Variants in JAKMIP2 observed in about 807,000 individuals in gnomAD.
JAKMIP2 encodes janus kinase and microtubule-interacting protein 2.
A neutral mutation model predicts 115.0 loss-of-function variants in JAKMIP2; 25 were observed. The observed-to-expected ratio is 0.22, with a 90% CI of 0.16 to 0.30. The LOEUF (loss-of-function observed/expected upper bound fraction) is 0.30, where lower values mean the gene tolerates loss of function less well. Among genes scored for constraint, JAKMIP2 ranks in the 10% least tolerant of loss-of-function variants. The pLI is 1.00. For missense variants in JAKMIP2, 642 were observed against 957.6 expected, an observed-to-expected ratio of 0.67 and a Z score of 4.35; for synonymous variants, 334 against 343.6, an observed-to-expected ratio of 0.97 and a Z score of 0.31.
At chr5:147,619,040 A>G (rs916331492) in intron 18 of JAKMIP2, among the ~76,000 whole-genome samples, 8 of 151,952 alleles carry the variant, frequency 5.3e-5, no homozygotes, top group African/African-American at 1.9e-4. Context: ...TATTTCTCTG[A>G]GTCTTTCTTT....
chr5:147,620,139 G>A (rs1237345770), intron 18 of JAKMIP2, among the ~76,000 whole-genome samples: 3 of 152,088 alleles, frequency 2.0e-5, no homozygotes, highest in African/African-American at 7.2e-5. Flanking sequence ...CTGCTGCCCA[G>A]GCTGGAGTAC....
chr5:147,760,565 T>C (rs1450971504), intron 1 of JAKMIP2, among the ~76,000 whole-genome samples: 4 of 152,042 alleles, frequency 2.6e-5, no homozygotes, highest in Admixed American at 2.6e-4. Flanking sequence ...ACATAGTTTG[T>C]TAAGGATTTG....
At chr5:147,646,581 A>G (rs955314857) in intron 5 of JAKMIP2, among the ~76,000 whole-genome samples, 1 of 152,038 alleles carries the variant, frequency 6.6e-6, no homozygotes, top group Non-Finnish European at 1.5e-5. Flanking sequence ...CCTTAAATAA[A>G]ACACAGAAAG....
At chr5:147,659,915 A>G (rs1758873466) in intron 3 of JAKMIP2, among the ~76,000 whole-genome samples, 1 of 152,244 alleles carries the variant, frequency 6.6e-6, no homozygotes, top group South Asian at 2.1e-4. Flanking sequence ...AACCACCTTG[A>G]ACTTAAAATT....
chr5:147,663,667 G>A (rs554689222), intron 2 of JAKMIP2, among the ~76,000 whole-genome samples: 1 of 152,144 alleles, frequency 6.6e-6, no homozygotes, highest in Non-Finnish European at 1.5e-5. Context: ...CCTACCTTTA[G>A]CTAGAACAGT....
chr5:147,772,798 G>A (rs1401995366), intron 1 of JAKMIP2, among the ~76,000 whole-genome samples: 1 of 151,892 alleles, frequency 6.6e-6, no homozygotes, highest in Non-Finnish European at 1.5e-5. Flanking sequence ...TAATTGAATG[G>A]CTTTGGGTAT....
chr5:147,719,671 C>A (rs1278772882), intron 1 of JAKMIP2, among the ~76,000 whole-genome samples: 1 of 150,798 alleles, frequency 6.6e-6, no homozygotes, highest in East Asian at 2.0e-4. Context: ...GGATTGCAAC[C>A]CCTGCCTTTT....
rs1169149017 is a variant in JAKMIP2 at position 147,591,626 on chromosome 5, C to T, written c.*81G>A. 1.3e-6 allele frequency: 2 copies of T among 1,561,718 alleles called. No homozygotes were observed. The highest frequency in any genetic ancestry group is 1.8e-6 in the Non-Finnish European group (2 of 1,136,984). On this transcript the variant is annotated 3_prime_UTR_variant, in exon 22 of 22. Transcript: ENST00000616793. ...CCTCTCACTGGTGTAAACAATTTTG[C>T]CATCTTTGAAGGTTTAGAAGCACTT...
At chr5:147,621,625 C>T (rs931812484) in intron 17 of JAKMIP2, among the ~76,000 whole-genome samples, 1 of 152,014 alleles carries the variant, frequency 6.6e-6, no homozygotes, top group Non-Finnish European at 1.5e-5. Context: ...AGAAATTGTT[C>T]ATTTGGAAAG....
intron 1 of JAKMIP2, among the ~76,000 whole-genome samples, chr5:147,731,828 A>ATTAGCTG (rs1476578923): frequency 1.3e-5 from 2 of 152,178 alleles, no homozygotes; most frequent in African/African-American, 2.4e-5. Context: ...GCTGAGGATG[A>ATTAGCTG]TTAGCTGTTC....
At chr5:147,633,523 C>A (rs1199068021) in intron 12 of JAKMIP2, among the ~76,000 whole-genome samples, 2 of 152,116 alleles carry the variant, frequency 1.3e-5, no homozygotes, top group Non-Finnish European at 2.9e-5. Flanking sequence ...GCTCTAATGT[C>A]CATAAGAGCC....
chr5:147,634,145 G>A (rs1049227129), intron 12 of JAKMIP2, among the ~76,000 whole-genome samples: 2 of 152,090 alleles, frequency 1.3e-5, no homozygotes, highest in Non-Finnish European at 2.9e-5. Context: ...ACCATAGCAC[G>A]AATCTTACTT....
intron 14 of JAKMIP2, among the ~76,000 whole-genome samples, chr5:147,631,001 A>T (rs1216313224): frequency 1.3e-5 from 2 of 152,136 alleles, no homozygotes; most frequent in African/African-American, 4.8e-5. Flanking sequence ...ACCTTTTCTA[A>T]CTCTGCAATT....
intron 1 of JAKMIP2, among the ~76,000 whole-genome samples, chr5:147,719,935 T>G (rs1753192662): frequency 6.6e-6 from 1 of 152,168 alleles, no homozygotes; most frequent in East Asian, 1.9e-4. Context: ...TGCAGTTTCT[T>G]CTGAGTCTTG....
intron 1 of JAKMIP2, among the ~76,000 whole-genome samples, chr5:147,772,227 G>A (rs1333221120): frequency 6.6e-6 from 1 of 152,040 alleles, no homozygotes; most frequent in East Asian, 1.9e-4. Context: ...GGGACATAAG[G>A]GAAACATTTG....
At chr5:147,761,492 A>G (rs1754926997) in intron 1 of JAKMIP2, among the ~76,000 whole-genome samples, 1 of 152,138 alleles carries the variant, frequency 6.6e-6, no homozygotes, top group African/African-American at 2.4e-5. Flanking sequence ...CTCTAATGGC[A>G]GACTCCTTGC....
intron 14 of JAKMIP2, 69 bp from the exon 15 acceptor site, chr5:147,629,815 G>T: frequency 1.7e-6 from 2 of 1,184,894 alleles, no homozygotes; most frequent in Non-Finnish European, 2.5e-6. Flanking sequence ...GCCTGAACAT[G>T]AAGTTAGAGG....
chr5:147,677,317 C>T (rs1217563429), intron 1 of JAKMIP2, among the ~76,000 whole-genome samples: 1 of 152,152 alleles, frequency 6.6e-6, no homozygotes, highest in Non-Finnish European at 1.5e-5. Flanking sequence ...ACCCTATAAG[C>T]GCTGTCTTCA....
In JAKMIP2 at chr5:147,590,330, T is replaced by C. The variant is rs2126540715; in HGVS notation, c.*1377A>G. The C allele has an allele frequency of 6.6e-6, 1 of 152,314 alleles. No individual in the cohort carries two copies. The highest frequency in any genetic ancestry group is 1.5e-5 in the Non-Finnish European group (1 of 68,028). The allele number at this position is 152,314 out of a possible 1,614,324, so 9.4% of individuals were successfully genotyped here. A position where few individuals can be genotyped will look rare whatever the true frequency, so the allele number is the denominator to read the frequency against. On this transcript the variant is annotated 3_prime_UTR_variant, in exon 22 of 22. Coordinates refer to ENST00000616793, the MANE Select transcript of JAKMIP2 (RefSeq NM_001270941.2). ...TATCTACAGTAAATGAGGTGTAAAA[T>C]TAGCTTTTCAGGAACATACATTTGC...
Sources: allele counts gnomAD v4.1 joint callset (sites outside exome capture counted in the v4.1 genomes callset), GRCh38; gene constraint gnomAD v4.1.1; transcripts MANE v1.5; gene names NCBI Gene and HGNC (gene_info 2026-07-23, HGNC 2026-07-21).